GLYATL2: variants seen among roughly 807,000 people sequenced by gnomAD.
GLYATL2 encodes glycine N-acyltransferase-like protein 2.
A neutral mutation model predicts 21.4 loss-of-function variants in GLYATL2; 25 were observed. The ratio of observed to expected loss-of-function variants is 1.17; its 90% CI spans 0.85 to 1.63. The LOEUF (loss-of-function observed/expected upper bound fraction) is 1.63. GLYATL2 is among the 40% of genes most tolerant of loss of function. The probability of loss-of-function intolerance (pLI) is 0.00; values close to 1 mark genes in which losing one functional copy is unlikely to be tolerated. For missense variants in GLYATL2, 361 were observed against 343.3 expected (o/e 1.05, Z -0.41); for synonymous variants, 114 against 118.2 (o/e 0.96, Z 0.23).
intron 1 of GLYATL2, among the ~76,000 whole-genome samples, chr11:58,875,614 G>T (rs182354415): frequency 2.0e-5 from 3 of 152,220 alleles, no homozygotes; most frequent in African/African-American, 7.2e-5. Flanking sequence ...GTTAAATATT[G>T]GCCCCCACTC....
At chr11:58,887,118 T>G (rs1854456206) in intron 1 of GLYATL2, among the ~76,000 whole-genome samples, 1 of 152,264 alleles carries the variant, frequency 6.6e-6, no homozygotes, top group African/African-American at 2.4e-5. Context: ...TTATTATGTG[T>G]ATTTTACCAA....
chr11:58,893,626 G>A (rs1035272722), intron 1 of GLYATL2, among the ~76,000 whole-genome samples: 9 of 152,164 alleles, frequency 5.9e-5, no homozygotes, highest in Non-Finnish European at 5.9e-5. Flanking sequence ...TGCTATTGAG[G>A]AACTTACAAT....
At chr11:58,842,476 CTGTGTGTGTGTGTGTGTGTGTGTG>C (rs34133004) in intron 1 of GLYATL2, among the ~76,000 whole-genome samples, 5 of 134,850 alleles carry the variant, frequency 3.7e-5, no homozygotes, top group African/African-American at 1.4e-4. Context: ...GAGTGAGACT[CTGTGTGTGTGTGTGTGTGTGTGTG>C]TGTGTGTGTG....
At chr11:58,905,272 A>G (rs944950321), upstream of GLYATL2, 59 of 362,802 alleles carry the variant, frequency 1.6e-4, no homozygotes, top group Non-Finnish European at 2.8e-4. Context: ...GAGCAGGCCA[A>G]GTCCCTCTAG....
intron 1 of GLYATL2, among the ~76,000 whole-genome samples, chr11:58,841,636 A>G (rs1192456632): frequency 6.6e-6 from 1 of 152,238 alleles, no homozygotes; most frequent in African/African-American, 2.4e-5. Flanking sequence ...GACACAAAAT[A>G]GATATTTTGA....
At chr11:58,854,793 A>G (rs995059191) in intron 1 of GLYATL2, among the ~76,000 whole-genome samples, 1 of 152,244 alleles carries the variant, frequency 6.6e-6, no homozygotes, top group Non-Finnish European at 1.5e-5. Context: ...ATAGATTTAC[A>G]TAACATTAGA....
intron 1 of GLYATL2, among the ~76,000 whole-genome samples, chr11:58,860,010 A>T (rs936416696): frequency 3.3e-5 from 5 of 152,056 alleles, no homozygotes; most frequent in African/African-American, 9.7e-5. Flanking sequence ...TCCTGTTTTC[A>T]TTACTATTGC....
In GLYATL2 at chr11:58,837,412, A is replaced by G. The variant is rs137950351; in HGVS notation, c.187-15T>C. On this transcript the variant is annotated splice_polypyrimidine_tract_variant and intron_variant, in intron 3 of 5. Transcript: ENST00000287275. Reference sequence around the variant, plus strand: ...TCTTTCATCTCCTGATATAACAAATATCAATTATATTTACATAGCGCTACA... The same window carrying G: ...TCTTTCATCTCCTGATATAACAAATGTCAATTATATTTACATAGCGCTACA... 5,831 of 1,608,042 alleles carry G rather than the reference A, an allele frequency of 3.6e-3. 20 individuals are homozygous for G. The highest frequency in any genetic ancestry group is 4.2e-3 in the Non-Finnish European group (4,944 of 1,175,096).
intron 1 of GLYATL2, among the ~76,000 whole-genome samples, chr11:58,863,253 T>A (rs1853963831): frequency 6.6e-6 from 1 of 152,176 alleles, no homozygotes; most frequent in Non-Finnish European, 1.5e-5. Flanking sequence ...TGGGCATTGA[T>A]CCTGTGTCTG....
intron 1 of GLYATL2, among the ~76,000 whole-genome samples, chr11:58,841,491 A>G (rs2134576227): frequency 6.6e-6 from 1 of 152,306 alleles, no homozygotes; most frequent in South Asian, 2.1e-4. Context: ...TAATTTGTGT[A>G]TATACAAGGT....
upstream of GLYATL2, among the ~76,000 whole-genome samples, chr11:58,846,260 G>A (rs11229662): frequency 1.3e-5 from 2 of 151,762 alleles, no homozygotes; most frequent in South Asian, 2.1e-4. Flanking sequence ...ATAATGGGGA[G>A]GAGAAGCAAA....
upstream of GLYATL2, chr11:58,905,450 C>T (rs1264410804): frequency 2.2e-6 from 1 of 455,908 alleles, no homozygotes; most frequent in African/African-American, 2.0e-5. Context: ...CAGCAATGGC[C>T]ACACACCGAA....
At chr11:58,885,627 A>T in intron 1 of GLYATL2, 1 of 297,282 alleles carries the variant, frequency 3.4e-6, no homozygotes, top group South Asian at 3.7e-5. Context: ...GGCTGCTTTT[A>T]TAGGGTGAAA....
chr11:58,883,340 A>C lies in GLYATL2; in HGVS notation n.60+20816T>G, dbSNP rs193121152. ...CAATAGCAAGACTAATAAAGAAGAA[A>C]AGAAAGAAGAATCAAATAGATGCAA... On this transcript the variant is annotated intron_variant and non_coding_transcript_variant, in intron 1 of 4. Coordinates refer to the GLYATL2 transcript ENST00000533636. Among the ~76,000 whole-genome samples, 771 of 152,358 alleles carry C rather than the reference A, an allele frequency of 5.1e-3. 5 individuals carry two copies. Among genetic ancestry groups the C allele is most frequent in the African/African-American group, 0.018 (735 of 41,586 alleles).
At chr11:58,845,916 A>G (rs935313556), upstream of GLYATL2, among the ~76,000 whole-genome samples, 3 of 152,124 alleles carry the variant, frequency 2.0e-5, no homozygotes, top group African/African-American at 7.2e-5. Flanking sequence ...ATAATTTAAT[A>G]CTATCTACAC....
chr11:58,898,494 T>G (rs994898163), intron 1 of GLYATL2, among the ~76,000 whole-genome samples: 3 of 151,746 alleles, frequency 2.0e-5, no homozygotes, highest in African/African-American at 7.3e-5. Context: ...TTTTTTTTTT[T>G]TTATCTGCTC....
chr11:58,908,600 C>G (rs1327473626), upstream of GLYATL2: 2 of 165,218 alleles, frequency 1.2e-5, no homozygotes, highest in African/African-American at 4.8e-5. Context: ...AACCGTGGTG[C>G]CAATTCAGAT....
At chr11:58,900,472 C>T (rs1251873472) in intron 1 of GLYATL2, among the ~76,000 whole-genome samples, 1 of 152,192 alleles carries the variant, frequency 6.6e-6, no homozygotes, top group East Asian at 1.9e-4. Context: ...CCTATTCTCT[C>T]TCCACTCCTA....
At chr11:58,872,634 A>C (rs1854145205) in intron 1 of GLYATL2, among the ~76,000 whole-genome samples, 1 of 152,200 alleles carries the variant, frequency 6.6e-6, no homozygotes, top group African/African-American at 2.4e-5. Flanking sequence ...GTTCTGTTCC[A>C]TTGATCTATG....
Sources: allele counts gnomAD v4.1 joint callset (sites outside exome capture counted in the v4.1 genomes callset), GRCh38; gene constraint gnomAD v4.1.1; transcripts MANE v1.5; gene names NCBI Gene and HGNC (gene_info 2026-07-23, HGNC 2026-07-21).